The following CAMK4 variants were observed in gnomAD, a reference collection of about 807,000 sequenced individuals.
CAMK4 encodes calcium/calmodulin-dependent protein kinase type IV.
A neutral mutation model predicts 44.9 loss-of-function variants in CAMK4; 22 were observed. The ratio of observed to expected loss-of-function variants is 0.49; its 90% CI spans 0.35 to 0.70. CAMK4 has a LOEUF of 0.70. Ranked by LOEUF, CAMK4 falls within the 30% of genes least tolerant of loss-of-function variation. The pLI, the probability that CAMK4 is intolerant of heterozygous loss-of-function variation, is 0.01. For synonymous variants in CAMK4, 218 were observed against 215.4 expected (o/e 1.01, Z -0.11); for missense variants, 498 against 586.8 (o/e 0.85, Z 1.56).
In CAMK4 at chr5:111,484,092, C is replaced by G; in HGVS notation, c.1048C>G (p.Gln350Glu). Residue 350 changes from glutamine (Q) to glutamate (E), a missense_variant, in exon 11 of 11, where the codon CAG becomes GAG. Transcript: ENST00000282356. The surrounding 1 kb of genome is among the most constrained non-coding windows in gnomAD (Gnocchi z 5.3). ...TGCCAGCAGCAGCCATGGCAGCATC[C>G]AGGAGAGCCACAAGGCTAGCCGAGA... is the stretch of plus-strand genomic sequence containing the variant. ...GSASSSHGSI[Q>E]ESHKASRDPS... 1 of 1,613,386 alleles carries G rather than the reference C, an allele frequency of 6.2e-7. No homozygotes were observed. Among genetic ancestry groups the G allele is most frequent in the Non-Finnish European group, 8.5e-7 (1 of 1,179,630 alleles).
intron 7 of CAMK4, among the ~76,000 whole-genome samples, chr5:111,463,158 G>T (rs1754699251): frequency 1.3e-5 from 2 of 152,100 alleles, no homozygotes; most frequent in African/African-American, 4.8e-5. Flanking sequence ...TTAGGAAGTG[G>T]TAGACAGATT....
intron 1 of CAMK4, among the ~76,000 whole-genome samples, chr5:111,310,308 A>T (rs1315936818): frequency 6.6e-6 from 1 of 152,190 alleles, no homozygotes; most frequent in Non-Finnish European, 1.5e-5. Flanking sequence ...TATCCTTCTA[A>T]AATAAAGTGT....
At chr5:111,377,471 T>C (rs1248336850) in intron 4 of CAMK4, among the ~76,000 whole-genome samples, 1 of 147,578 alleles carries the variant, frequency 6.8e-6, no homozygotes, top group South Asian at 2.2e-4. Flanking sequence ...TTTGGTTTCC[T>C]GTTCATATGT....
intron 1 of CAMK4, among the ~76,000 whole-genome samples, chr5:111,250,401 G>A (rs549834707): frequency 2.0e-5 from 3 of 152,132 alleles, no homozygotes; most frequent in African/African-American, 4.8e-5. Context: ...AATCAGCTTT[G>A]TTTCTGATAA....
intron 1 of CAMK4, among the ~76,000 whole-genome samples, chr5:111,296,239 A>G (rs1048324928): frequency 6.6e-6 from 1 of 152,254 alleles, no homozygotes; most frequent in Non-Finnish European, 1.5e-5. Flanking sequence ...TAAGCTTCCT[A>G]TAAGAAGTTA....
intron 5 of CAMK4, among the ~76,000 whole-genome samples, chr5:111,429,777 C>CAA (rs70973607): frequency 0.056 from 1,482 of 26,284 alleles, 269 homozygotes; most frequent in Middle Eastern, 0.19. Flanking sequence ...GACCTCATCT[C>CAA]AAAAAAAAAA....
At chr5:111,351,676 T>G (rs1750112799) in intron 2 of CAMK4, among the ~76,000 whole-genome samples, 1 of 151,730 alleles carries the variant, frequency 6.6e-6, no homozygotes, top group Non-Finnish European at 1.5e-5. Context: ...CCTCCCAAAG[T>G]GCTGGGATTA....
intron 5 of CAMK4, among the ~76,000 whole-genome samples, chr5:111,437,928 G>T (rs1267500204): frequency 6.6e-6 from 1 of 152,138 alleles, no homozygotes; most frequent in African/African-American, 2.4e-5. Context: ...GTAAAGAGTA[G>T]TGTGTAAAGT....
At chr5:111,324,183 T>A (rs1338746369) in intron 1 of CAMK4, among the ~76,000 whole-genome samples, 1 of 152,030 alleles carries the variant, frequency 6.6e-6, no homozygotes, top group Non-Finnish European at 1.5e-5. Context: ...AACAATTTTT[T>A]AAAATAAGGA....
chr5:111,441,223 G>A (rs912170193), intron 5 of CAMK4, among the ~76,000 whole-genome samples: 3 of 152,118 alleles, frequency 2.0e-5, no homozygotes, highest in Admixed American at 6.5e-5. Flanking sequence ...ACAGAACTTA[G>A]CAGAGATATG....
intron 1 of CAMK4, among the ~76,000 whole-genome samples, chr5:111,265,658 T>C (rs1750208100): frequency 6.6e-6 from 1 of 152,168 alleles, no homozygotes; most frequent in African/African-American, 2.4e-5. Flanking sequence ...CTTCAAGGAA[T>C]GCAAAATTTA....
At chr5:111,391,201 A>T (rs1229788167) in intron 4 of CAMK4, among the ~76,000 whole-genome samples, 2 of 151,856 alleles carry the variant, frequency 1.3e-5, no homozygotes, top group East Asian at 3.9e-4. Context: ...CAGTGTAGAG[A>T]CGGTAAAGGC....
intron 1 of CAMK4, among the ~76,000 whole-genome samples, chr5:111,238,625 C>T (rs564584551): frequency 6.6e-6 from 1 of 151,098 alleles, no homozygotes; most frequent in Admixed American, 6.6e-5. Context: ...AGCCCTGTAC[C>T]CTTTTCCCCC....
chr5:111,358,049 A>G (rs143444886), intron 2 of CAMK4: 4 of 152,212 alleles, frequency 2.6e-5, no homozygotes, highest in East Asian at 3.9e-4. Flanking sequence ...CTAAAACTAG[A>G]TGTTTCTCCT....
chr5:111,416,542 A>G (rs1752821712), intron 5 of CAMK4: 1 of 152,198 alleles, frequency 6.6e-6, no homozygotes, highest in Admixed American at 6.5e-5. Context: ...GAACCTCAAG[A>G]TGTTGGATAT....
intron 1 of CAMK4, among the ~76,000 whole-genome samples, chr5:111,259,043 G>T (rs537210303): frequency 5.3e-5 from 8 of 152,170 alleles, no homozygotes; most frequent in African/African-American, 1.9e-4. Context: ...AACTCATTTT[G>T]GGATTATGCT....
chr5:111,339,790 A>T (rs1279003981), intron 1 of CAMK4, among the ~76,000 whole-genome samples: 2 of 151,270 alleles, frequency 1.3e-5, no homozygotes, highest in African/African-American at 4.8e-5. Flanking sequence ...TAGGGATTAT[A>T]TTGAATCTGT....
intron 1 of CAMK4, among the ~76,000 whole-genome samples, chr5:111,272,206 C>A (rs2112583872): frequency 6.6e-6 from 1 of 151,944 alleles, no homozygotes; most frequent in East Asian, 1.9e-4. Flanking sequence ...AATTTTTGTT[C>A]CAACTTATGA....
intron 1 of CAMK4, among the ~76,000 whole-genome samples, chr5:111,332,160 A>C (rs1475753700): frequency 6.6e-6 from 1 of 151,286 alleles, no homozygotes; most frequent in East Asian, 2.0e-4. Flanking sequence ...TACATGTGCC[A>C]TGCTGGTGTG....
Sources: allele counts gnomAD v4.1 joint callset (sites outside exome capture counted in the v4.1 genomes callset), GRCh38; gene constraint gnomAD v4.1.1; non-coding constraint Gnocchi (gnomAD v3.1); transcripts MANE v1.5; gene names NCBI Gene and HGNC (gene_info 2026-07-23, HGNC 2026-07-21).